YWHAQ: variants seen among roughly 807,000 people sequenced by gnomAD.
YWHAQ encodes the protein tyrosine 3-monooxygenase/tryptophan 5-monooxygenase activation protein theta.
YWHAQ carries 6 observed loss-of-function variants against 28.3 expected under a neutral mutation model. The observed-to-expected ratio is 0.21, with a 90% CI of 0.12 to 0.42. The LOEUF (loss-of-function observed/expected upper bound fraction) is 0.42, where lower values mean the gene tolerates loss of function less well. YWHAQ is among the 10% of genes least tolerant of loss of function. The pLI, the probability that YWHAQ is intolerant of heterozygous loss-of-function variation, is 1.00. For missense variants in YWHAQ, 201 were observed against 305.6 expected (o/e 0.66, Z 2.55); for synonymous variants, 143 against 119.1 (o/e 1.20, Z -1.31).
intron 2 of YWHAQ, among the ~76,000 whole-genome samples, chr2:9,629,110 C>T (rs1167669942): frequency 1.3e-5 from 2 of 151,796 alleles, no homozygotes; most frequent in Non-Finnish European, 2.9e-5. Flanking sequence ...CTTCCATTCC[C>T]TTTTGAAAAA....
Position 9,584,781 on chromosome 2 carries a change from T to C in YWHAQ, c.*505A>G, listed in dbSNP as rs1298458785. 1 of 154,760 alleles carries C rather than the reference T, an allele frequency of 6.5e-6. No individual in the cohort carries two copies. Among genetic ancestry groups the C allele is most frequent in the Non-Finnish European group, 1.4e-5 (1 of 69,424 alleles). 9.6% of individuals were successfully genotyped at this position (154,760 alleles called of 1,614,324 possible). A position where few individuals can be genotyped will look rare whatever the true frequency, so the allele number is the denominator to read the frequency against. On this transcript the variant is annotated 3_prime_UTR_variant, in exon 6 of 6. Coordinates refer to ENST00000238081, the MANE Select transcript of YWHAQ (RefSeq NM_006826.4). ...CCTAGACAGAGATGGCAAGTGCTTT[T>C]CCATTCAATCTAATACTTCCGGATT...
chr2:9,588,756 A>T (rs1666398701), intron 3 of YWHAQ, among the ~76,000 whole-genome samples: 1 of 151,962 alleles, frequency 6.6e-6, no homozygotes. Flanking sequence ...GGGCAACAGA[A>T]CGATACTCTG....
chr2:9,597,985 A>ATTTTTTTTTTTTTT lies in YWHAQ; in HGVS notation c.295-6484_295-6471dup, dbSNP rs547582835. On this transcript the variant is annotated intron_variant, in intron 2 of 5. Transcript: ENST00000238081. ...CAGGCATGCACCACCATGCCGGGCT[A>ATTTTTTTTTTTTTT]TTTTTTTTTTTTTTTTTTTTTTTTT... Among the ~76,000 whole-genome samples the ATTTTTTTTTTTTTT allele has an allele frequency of 1.9e-4, 12 of 62,474 alleles. 1 individual carries two copies. Among genetic ancestry groups the ATTTTTTTTTTTTTT allele is most frequent in the African/African-American group, 6.6e-4 (11 of 16,672 alleles). 41.0% of individuals were successfully genotyped at this position (62,474 alleles called of 152,430 possible). A position where few individuals can be genotyped will look rare whatever the true frequency, so the allele number is the denominator to read the frequency against.
At chr2:9,596,393 TA>T (rs1462278707) in intron 2 of YWHAQ, among the ~76,000 whole-genome samples, 3 of 152,242 alleles carry the variant, frequency 2.0e-5, no homozygotes, top group Admixed American at 1.3e-4. Context: ...CTTTTAATTC[TA>T]AATTCATTTA....
rs186729931 is a variant in YWHAQ at position 9,626,429 on chromosome 2, G to C, written c.294+3730C>G. On this transcript the variant is annotated intron_variant, in intron 2 of 5. Transcript: ENST00000238081. ...TAAACATCTTACCTGTAATATTTAA[G>C]CCCAGGGTTTTGTTTTTGTTTTCAG... is the stretch of plus-strand genomic sequence containing the variant. Among the ~76,000 whole-genome samples, 655 of 152,132 alleles carry C rather than the reference G, an allele frequency of 4.3e-3. 8 individuals carry two copies. Among genetic ancestry groups the C allele is most frequent in the African/African-American group, 0.015 (618 of 41,510 alleles).
At chr2:9,585,872 C>T (rs1666333624) in intron 5 of YWHAQ, among the ~76,000 whole-genome samples, 2 of 145,798 alleles carry the variant, frequency 1.4e-5, no homozygotes, top group Admixed American at 6.9e-5. Flanking sequence ...ATGATTATGA[C>T]ACTGCACTCC....
chr2:9,625,154 C>T (rs188275994), intron 2 of YWHAQ, among the ~76,000 whole-genome samples: 85 of 150,628 alleles, frequency 5.6e-4, no homozygotes, highest in African/African-American at 2.1e-3. Context: ...CCCAGCTACT[C>T]GGGAGGCTGA....
chr2:9,601,721 T>C (rs1359831155), intron 2 of YWHAQ, among the ~76,000 whole-genome samples: 7 of 152,044 alleles, frequency 4.6e-5, no homozygotes, highest in Non-Finnish European at 8.8e-5. Context: ...TCTTAGCTCA[T>C]TGCAACCTCT....
At chr2:9,604,171 G>T (rs1337862996) in intron 2 of YWHAQ, among the ~76,000 whole-genome samples, 1 of 152,088 alleles carries the variant, frequency 6.6e-6, no homozygotes, top group Non-Finnish European at 1.5e-5. Flanking sequence ...TGCTATGGGA[G>T]CTCAAAATAA....
intron 2 of YWHAQ, among the ~76,000 whole-genome samples, chr2:9,625,488 G>T (rs1667232209): frequency 1.3e-5 from 2 of 152,122 alleles, no homozygotes; most frequent in Admixed American, 1.3e-4. Context: ...CCTCAAAACA[G>T]AAATTCACAC....
At chr2:9,619,142 A>G (rs1376463147) in intron 2 of YWHAQ, among the ~76,000 whole-genome samples, 1 of 152,220 alleles carries the variant, frequency 6.6e-6, no homozygotes. Flanking sequence ...TAGTTTCATC[A>G]ATAGCTAAAA....
intron 2 of YWHAQ, among the ~76,000 whole-genome samples, chr2:9,607,386 T>C (rs1666853024): frequency 6.6e-6 from 1 of 151,362 alleles, no homozygotes; most frequent in African/African-American, 2.4e-5. Flanking sequence ...TTTTTTTGTA[T>C]TTTTAGTAGA....
Position 9,588,327 on chromosome 2 carries a change from T to G in YWHAQ, c.420A>C (p.Gln140His), listed in dbSNP as rs1286254245. Residue 140 changes from glutamine to histidine, a missense_variant and splice_region_variant, in exon 4 of 6, where the codon CAA becomes CAC. Around this residue, in one of 2 missense-constraint regions of YWHAQ, gnomAD observed 162 missense variants for 213.9 expected, o/e 0.76. Transcript: ENST00000238081. ...AAGCTCCTTGGGAATTATCTATCGT[T>G]TCTGTGAAGAGCGAAAAATAAGAAG... ...AEVACGDDRKQTIDNSQGAYQ... is the reference protein window; with the variant it reads ...AEVACGDDRKHTIDNSQGAYQ... 3 of 1,606,018 alleles carry G rather than the reference T, an allele frequency of 1.9e-6. No homozygotes were observed. The highest frequency in any genetic ancestry group is 2.7e-5 in the African/African-American group (2 of 74,128).
At chr2:9,615,756 CAGA>C (rs919244683) in intron 2 of YWHAQ, among the ~76,000 whole-genome samples, 2 of 152,080 alleles carry the variant, frequency 1.3e-5, no homozygotes, top group Non-Finnish European at 2.9e-5. Flanking sequence ...GAGATGATCT[CAGA>C]AGAACAGGGT....
Position 9,630,503 on chromosome 2 carries a change from G to A in YWHAQ, c.-51C>T. ...CGGAGGGCGAGGAGAGCGAGGGCGA[G>A]CGCCGACCCGCAGCGGGAGGAGCCT... On this transcript the variant is annotated 5_prime_UTR_variant, in exon 2 of 6. Coordinates refer to ENST00000238081, the MANE Select transcript of YWHAQ (RefSeq NM_006826.4). The surrounding 1 kb of genome is among the most constrained non-coding windows in gnomAD (Gnocchi z 5.6). 1 of 1,482,812 alleles carries A rather than the reference G, an allele frequency of 6.7e-7. No homozygotes were observed. Among genetic ancestry groups the A allele is most frequent in the Non-Finnish European group, 8.9e-7 (1 of 1,117,798 alleles). The allele number at this position is 1,482,812 out of a possible 1,614,324, so 91.9% of individuals were successfully genotyped here. A position where few individuals can be genotyped will look rare whatever the true frequency, so the allele number is the denominator to read the frequency against.
At chr2:9,604,642 A>G (rs1308951903) in intron 2 of YWHAQ, among the ~76,000 whole-genome samples, 1 of 152,172 alleles carries the variant, frequency 6.6e-6, no homozygotes, top group East Asian at 1.9e-4. Context: ...TATTAAGGAG[A>G]CGCAAAACCT....
intron 2 of YWHAQ, among the ~76,000 whole-genome samples, chr2:9,629,667 G>A (rs541602103): frequency 1.7e-3 from 262 of 152,282 alleles, no homozygotes; most frequent in African/African-American, 5.7e-3. Flanking sequence ...GAGCACAACA[G>A]ATACTCTTAC....
At chr2:9,622,520 C>T (rs1667161570) in intron 2 of YWHAQ, among the ~76,000 whole-genome samples, 1 of 152,186 alleles carries the variant, frequency 6.6e-6, no homozygotes, top group African/African-American at 2.4e-5. Flanking sequence ...CTGTTATTAA[C>T]ATTTTTGTAC....
chr2:9,591,249 T>C, intron 3 of YWHAQ, 143 bp downstream of exon 3: 1 of 1,028,698 alleles, frequency 9.7e-7, no homozygotes, highest in Non-Finnish European at 1.3e-6. Flanking sequence ...TTTGAGAACA[T>C]AAGGTAATAC....
Sources: allele counts gnomAD v4.1 joint callset (sites outside exome capture counted in the v4.1 genomes callset), GRCh38; gene constraint gnomAD v4.1.1; regional missense constraint gnomAD v4.1.1; non-coding constraint Gnocchi (gnomAD v3.1); transcripts MANE v1.5; gene names NCBI Gene and HGNC (gene_info 2026-07-23, HGNC 2026-07-21).